VLDLR: variants seen among roughly 807,000 people sequenced by gnomAD.
VLDLR encodes very low density lipoprotein receptor.
A neutral mutation model predicts 112.7 loss-of-function variants in VLDLR; 81 were observed. That is an observed-to-expected ratio of 0.72 (90% CI 0.60 to 0.86). The LOEUF is 0.86. VLDLR is among the 40% of genes least tolerant of loss of function. VLDLR has a pLI of 0.00. For synonymous variants in VLDLR, 436 were observed against 384.8 expected (o/e 1.13, Z -1.56); for missense variants, 1,237 against 1,099.4 (o/e 1.13, Z -1.77).
intron 7 of VLDLR, among the ~76,000 whole-genome samples, chr9:2,644,362 G>C (rs976796852): frequency 1.4e-5 from 2 of 144,160 alleles, no homozygotes; most frequent in African/African-American, 2.6e-5. Flanking sequence ...GTAGAGACAG[G>C]GTTTCACCAT....
rs559708506 is a variant in VLDLR at position 2,644,645 on chromosome 9, G to T, written c.1067-89G>T. 1.9e-6 allele frequency: 3 copies of T among 1,582,094 alleles called. No homozygotes were observed. In the Admixed American group the frequency reaches 5.0e-5, roughly 27 times the overall value. On this transcript the variant is annotated intron_variant, in intron 7 of 18. Coordinates refer to ENST00000382100, the MANE Select transcript of VLDLR (RefSeq NM_003383.5). ...ATCGTGGGTTTGACCAGGCCAACTA[G>T]ATAAGTTATCACAAATAGCCTGGGT...
At chr9:2,646,292 TG>T in intron 10 of VLDLR, 41 bp from the exon 11 acceptor site, 1 of 1,600,096 alleles carries the variant, frequency 6.2e-7, no homozygotes, top group Non-Finnish European at 8.6e-7. Context: ...AAGCTCTAAT[TG>T]TGTCAAACTC....
chr9:2,635,334 G>A, intron 1 of VLDLR, 119 bp from the exon 2 acceptor site: 1 of 1,511,236 alleles, frequency 6.6e-7, no homozygotes, highest in Admixed American at 1.7e-5. Flanking sequence ...CTGGCCCTTA[G>A]GATGTCATAG....
chr9:2,641,968 GAAA>G (rs57594382), intron 4 of VLDLR, among the ~76,000 whole-genome samples: 2 of 106,540 alleles, frequency 1.9e-5, no homozygotes, highest in African/African-American at 3.2e-5. Flanking sequence ...AACTTTCCCA[GAAA>G]AAAAAAAAAA....
chr9:2,626,071 C>T (rs1445702100), intron 1 of VLDLR, among the ~76,000 whole-genome samples: 2 of 152,232 alleles, frequency 1.3e-5, no homozygotes, highest in Non-Finnish European at 2.9e-5. Context: ...ACACTAACTG[C>T]ACTGCAGGAA....
At chr9:2,645,804 T>C in intron 10 of VLDLR, 59 bp downstream of exon 10, 2 of 1,603,232 alleles carry the variant, frequency 1.2e-6, no homozygotes, top group Non-Finnish European at 8.5e-7. Flanking sequence ...TGGGAAGTGA[T>C]CTGTGGGATA....
rs1454733703 is a variant in VLDLR, at chr9:2,654,729, TTC to T, written c.*863_*864del. The T allele has an allele frequency of 6.8e-6, 1 of 147,264 alleles. No homozygotes were observed. The highest frequency in any genetic ancestry group is 6.7e-5 in the Admixed American group (1 of 14,938). 9.1% of individuals were successfully genotyped at this position (147,264 alleles called of 1,614,324 possible). On this transcript the variant is annotated 3_prime_UTR_variant, in exon 19 of 19. Coordinates refer to ENST00000382100, the MANE Select transcript of VLDLR (RefSeq NM_003383.5). ...ATTCCTCTTGGTTAGAGGAGTGAGT[TTC>T]TTTTTTTTCCATTAACTTGTTTCCT... is the stretch of plus-strand genomic sequence containing the variant.
At chr9:2,626,495 G>T (rs1434713802) in intron 1 of VLDLR, among the ~76,000 whole-genome samples, 1 of 152,192 alleles carries the variant, frequency 6.6e-6, no homozygotes, top group African/African-American at 2.4e-5. Context: ...AGTCTCCTAG[G>T]AAAGCTTGGG....
chr9:2,624,353 A>G (rs1167649415), intron 1 of VLDLR, among the ~76,000 whole-genome samples: 2 of 152,164 alleles, frequency 1.3e-5, no homozygotes, highest in Non-Finnish European at 2.9e-5. Context: ...CTGACTTTCT[A>G]CCCTGGAGCT....
At chr9:2,645,848 C>G (rs1258276608) in intron 10 of VLDLR, 103 bp downstream of exon 10, 7 of 1,367,958 alleles carry the variant, frequency 5.1e-6, no homozygotes, top group African/African-American at 2.9e-5. Flanking sequence ...CTAGCCCCAT[C>G]TAGCATCGAA....
chr9:2,650,160 G>A (rs113514037), intron 14 of VLDLR, among the ~76,000 whole-genome samples: 8 of 152,200 alleles, frequency 5.3e-5, no homozygotes, highest in East Asian at 1.9e-4. Context: ...AGTCTATCTC[G>A]AAGAGGTCCC....
Position 2,622,253 on chromosome 9 carries a change from A to T in VLDLR, c.64A>T (p.Ser22Cys), listed in dbSNP as rs764757062. ...LLALCWAPRESGATGTGRKAK... is the reference protein window; with the variant it reads ...LLALCWAPRECGATGTGRKAK... ...CGCGCTGTGCTGGGCGCCCCGGGAG[A>T]GCGGCGCCACCGGAACCGGTGAGTG... The change falls in exon 1 of 19, where the codon AGC (serine) becomes TGC (cysteine). Residue 22 changes from serine to cysteine, a missense_variant. Physicochemically the swap from Ser to Cys is moderately radical, Grantham distance 112. Coordinates refer to ENST00000382100, the MANE Select transcript of VLDLR (RefSeq NM_003383.5). The T allele has an allele frequency of 5.7e-5, 85 of 1,491,754 alleles. 1 individual carries two copies. The South Asian group carries it at 7.6e-4, about 13-fold the overall frequency. 92.4% of individuals were successfully genotyped at this position (1,491,754 alleles called of 1,614,324 possible).
chr9:2,629,993 C>T (rs1009308543), intron 1 of VLDLR, among the ~76,000 whole-genome samples: 5 of 152,140 alleles, frequency 3.3e-5, no homozygotes, highest in African/African-American at 9.7e-5. Flanking sequence ...TGGGTTTCAC[C>T]ATGTTGACCA....
chr9:2,645,694 T>C lies in VLDLR; in HGVS notation c.1433T>C (p.Ile478Thr), dbSNP rs1326485448. ...LRNTVALDADIAAQKLFWADL... is the reference protein window; with the variant it reads ...LRNTVALDADTAAQKLFWADL... ...AACACTGTGGCTCTCGATGCTGACATTGCTGCCCAGAAACTATTCTGGGCC... is the reference window on the plus strand; with the variant it reads ...AACACTGTGGCTCTCGATGCTGACACTGCTGCCCAGAAACTATTCTGGGCC... The change falls in exon 10 of 19, where the codon ATT becomes ACT. Residue 478 changes from isoleucine to threonine, a missense_variant. Ile to Thr is a moderately conservative substitution (Grantham distance 89). Coordinates refer to ENST00000382100, the MANE Select transcript of VLDLR (RefSeq NM_003383.5). 6.2e-6 allele frequency: 10 copies of C among 1,614,192 alleles called. No homozygotes were observed. Among genetic ancestry groups the C allele is most frequent in the South Asian group, 1.1e-5 (1 of 91,082 alleles).
At chr9:2,635,729 C>T (rs1205399920) in intron 2 of VLDLR, among the ~76,000 whole-genome samples, 157 bp downstream of exon 2, 7 of 152,048 alleles carry the variant, frequency 4.6e-5, no homozygotes, top group Non-Finnish European at 7.4e-5. Flanking sequence ...GAATGTTTGA[C>T]GTGGGGTTAT....
chr9:2,635,404 G>C (rs763283188), intron 1 of VLDLR, 49 bp from the exon 2 acceptor site: 1 of 1,612,576 alleles, frequency 6.2e-7, no homozygotes, highest in South Asian at 1.1e-5. Flanking sequence ...TAGGTATCTT[G>C]AATCTATAAC....
At chr9:2,647,897 C>T (rs907383515) in intron 12 of VLDLR, 3 of 565,686 alleles carry the variant, frequency 5.3e-6, no homozygotes, top group Non-Finnish European at 9.4e-6. Context: ...TCCTGAATTG[C>T]AGGCTTTTAA....
intron 1 of VLDLR, among the ~76,000 whole-genome samples, chr9:2,622,937 G>A (rs895511089): frequency 3.9e-5 from 6 of 152,196 alleles, no homozygotes; most frequent in African/African-American, 1.4e-4. Context: ...TGCTCTGGGC[G>A]CTTCTCCTCT....
chr9:2,641,292 G>A, intron 3 of VLDLR, 85 bp from the exon 4 acceptor site: 5 of 1,603,138 alleles, frequency 3.1e-6, no homozygotes, highest in Non-Finnish European at 4.3e-6. Context: ...TGAGTCACAG[G>A]TATTAGCGCT....
Sources: gnomAD v4.1 joint callset for allele counts (sites outside exome capture counted in the v4.1 genomes callset) on GRCh38, gnomAD v4.1.1 for gene constraint, MANE v1.5 for transcripts, NCBI Gene and HGNC (gene_info 2026-07-23, HGNC 2026-07-21) for gene names.